The following ASB12 variants were observed in gnomAD, a reference collection of about 807,000 sequenced individuals.
ASB12 encodes ankyrin repeat and SOCS box containing 12.
In ASB12, 17 loss-of-function variants were observed where a neutral mutation model predicts 13.7. The observed-to-expected ratio is 1.24, with a 90% CI of 0.85 to 1.86. The LOEUF is 1.86. Among genes scored for constraint, ASB12 ranks in the 40% most tolerant of loss-of-function variants. The pLI, the probability that ASB12 is intolerant of heterozygous loss-of-function variation, is 0.00. For missense variants in ASB12, 329 were observed against 250.5 expected (o/e 1.31, Z -2.11); for synonymous variants, 107 against 99.8 (o/e 1.07, Z -0.43).
chrX:64,224,950 T>A lies in ASB12; in HGVS notation c.701A>T (p.Asn234Ile). 3 of 1,211,498 alleles carry A rather than the reference T, an allele frequency of 2.5e-6. No individual in the cohort carries two copies. The South Asian group carries it at 5.3e-5, about 21-fold the overall frequency. ...RTLLEICLHHNCEPEYIQLLI... is the reference protein window; with the variant it reads ...RTLLEICLHHICEPEYIQLLI... ...CAGCTGGATATACTCTGGCTCACAA[T>A]TATGATGGAGGCAGATTTCAAGGAG... Residue 234 changes from asparagine (N) to isoleucine (I), a missense_variant, in exon 2 of 3, where the codon AAT becomes ATT. Physicochemically the swap from Asn to Ile is moderately radical, Grantham distance 149. Transcript: ENST00000362002.
intron 1 of ASB12, among the ~76,000 whole-genome samples, chrX:64,228,507 G>A (rs1438335034): frequency 1.8e-5 from 2 of 111,601 alleles, no homozygotes; most frequent in Non-Finnish European, 3.8e-5. Context: ...ATCTCTCTGT[G>A]CCCATTTCTT....
chrX:64,228,704 A>G (rs999065696), intron 1 of ASB12, among the ~76,000 whole-genome samples: 1 of 111,544 alleles, frequency 9.0e-6, no homozygotes, highest in South Asian at 3.8e-4. Flanking sequence ...ATGTTCTAGA[A>G]CCTCAGAGCT....
At chrX:64,226,837 T>C (rs926785446) in intron 1 of ASB12, 9 of 528,690 alleles carry the variant, frequency 1.7e-5, no homozygotes, top group Non-Finnish European at 2.1e-5. Flanking sequence ...CAGGACCTCA[T>C]ATCTTCTTTT....
chrX:64,229,388 C>T (rs544268720), intron 1 of ASB12, among the ~76,000 whole-genome samples: 2 of 111,937 alleles, frequency 1.8e-5, no homozygotes, highest in South Asian at 3.8e-4. Flanking sequence ...ATCGTGCCTC[C>T]ATTAGATAAG....
In ASB12 at chrX:64,228,837, A is replaced by G. The variant is rs188238209; in HGVS notation, c.-25+1626T>C. On this transcript the variant is annotated intron_variant, in intron 1 of 2. Transcript: ENST00000362002. ...GTTGTTATTGTTAGTTGTCTCATTAACAAGAACTCAGAACACACTTATAAT... is the reference window on the plus strand; with the variant it reads ...GTTGTTATTGTTAGTTGTCTCATTAGCAAGAACTCAGAACACACTTATAAT... Among the ~76,000 whole-genome samples the G allele has an allele frequency of 1.2e-4, 13 of 111,962 alleles. No individual in the cohort carries two copies. The East Asian group carries it at 2.5e-3, about 22-fold the overall frequency.
In ASB12 at chrX:64,225,606, G is replaced by A; in HGVS notation, c.45C>T (p.Ile15=). Residue 15 remains isoleucine (I), a synonymous_variant, in exon 2 of 3, where the codon ATC becomes ATT. Transcript: ENST00000362002. ...LQLAKMNLMD[I]TKIFSLLQPD... ...GCTGCAGGAGGGAGAAGATCTTGGT[G>A]ATGTCCATGAGGTTCATCTTGGCTA... 8.3e-7 allele frequency: 1 copy of A among 1,200,723 alleles called. No homozygotes were observed. The highest frequency in any genetic ancestry group is 1.1e-6 in the Non-Finnish European group (1 of 889,083).
intron 1 of ASB12, chrX:64,226,664 C>A: frequency 8.3e-6 from 6 of 724,947 alleles, no homozygotes; most frequent in Non-Finnish European, 9.8e-6. Context: ...CCTCACCCTA[C>A]AAAACCACTC....
At chrX:64,227,282 C>T (rs750308979) in intron 1 of ASB12, among the ~76,000 whole-genome samples, 1 of 111,613 alleles carries the variant, frequency 9.0e-6, no homozygotes. Context: ...CTCTAGCTAT[C>T]TTTCTCTTCG....
intron 1 of ASB12, 131 bp from the exon 2 acceptor site, chrX:64,225,805 T>C (rs1930939489): frequency 2.4e-6 from 2 of 817,567 alleles, no homozygotes; most frequent in African/African-American, 4.2e-5. Context: ...TCACTCCCAA[T>C]CCCACTGTCT....
At chrX:64,229,936 C>T (rs140886394) in intron 1 of ASB12, among the ~76,000 whole-genome samples, 1 of 111,411 alleles carries the variant, frequency 9.0e-6, no homozygotes, top group Non-Finnish European at 1.9e-5. Context: ...TTTCTGGACC[C>T]CTTGAATTCT....
intron 2 of ASB12, 90 bp from the exon 3 acceptor site, chrX:64,224,558 C>T: frequency 2.0e-6 from 2 of 988,977 alleles, no homozygotes; most frequent in Non-Finnish European, 2.8e-6. Context: ...GCTACTACAG[C>T]CCTAATGCTC....
intron 1 of ASB12, among the ~76,000 whole-genome samples, chrX:64,229,004 C>G (rs1270744982): frequency 9.0e-6 from 1 of 110,958 alleles, no homozygotes; most frequent in East Asian, 2.8e-4. Context: ...GAAATAGAAT[C>G]CAGGTTTCTC....
At chrX:64,230,115 C>G (rs1226271683) in intron 1 of ASB12, among the ~76,000 whole-genome samples, 1 of 110,995 alleles carries the variant, frequency 9.0e-6, no homozygotes, top group Non-Finnish European at 1.9e-5. Context: ...TAAACCCACT[C>G]TAAGGCACCC....
intron 1 of ASB12, chrX:64,226,824 TCTCAGGAC>T: frequency 9.8e-6 from 6 of 609,627 alleles, no homozygotes; most frequent in Non-Finnish European, 1.2e-5. Flanking sequence ...GCAGCTGAGG[TCTCAGGAC>T]CTCATATCTT....
At chrX:64,228,038 T>G (rs1190041209) in intron 1 of ASB12, among the ~76,000 whole-genome samples, 1 of 112,491 alleles carries the variant, frequency 8.9e-6, no homozygotes, top group East Asian at 2.8e-4. Flanking sequence ...TTCTCCACAT[T>G]GTTGCTAAAG....
rs1226582164 is a variant in ASB12 at position 64,225,308 on chromosome X, T to G, written c.343A>C (p.Ser115Arg). The G allele has an allele frequency of 3.3e-6, 4 of 1,208,028 alleles. No individual in the cohort carries two copies. The highest frequency in any genetic ancestry group is 3.5e-5 in the African/African-American group (2 of 56,991). The change falls in exon 2 of 3, where the codon AGT (serine) becomes CGT (arginine). Residue 115 changes from serine (S) to arginine (R), a missense_variant. By Grantham distance (110) the Ser-to-Arg change is moderately radical (BLOSUM62 -1). Coordinates refer to ENST00000362002, the MANE Select transcript of ASB12 (RefSeq NM_130388.4). Reference sequence around the variant, plus strand: ...CGTACACAGTCCAGATGGCCATGACTGACAGCAGTGAAAAGTGGCGTCTGT... The same window carrying G: ...CGTACACAGTCCAGATGGCCATGACGGACAGCAGTGAAAAGTGGCGTCTGT... ...KAQTPLFTAV[S>R]HGHLDCVRVL...
rs1440719016 is a variant in ASB12 at position 64,224,378 on chromosome X, T to C, written c.914A>G (p.Asp305Gly). ...GTAGCTAATCAACATGGGAGGAATA[T>C]CCAGCTGGTTGATGGCTTGTGGCTG... ...AGQPQAINQL[D>G]IPPMLISYLK... Residue 305 changes from aspartate to glycine, a missense_variant, in exon 3 of 3, where the codon GAT becomes GGT. Asp to Gly is a moderately conservative substitution (Grantham distance 94). Transcript: ENST00000362002. 8.3e-7 allele frequency: 1 copy of C among 1,208,226 alleles called. No individual in the cohort carries two copies. The highest frequency in any genetic ancestry group is 1.1e-6 in the Non-Finnish European group (1 of 894,156).
intron 1 of ASB12, among the ~76,000 whole-genome samples, chrX:64,227,280 A>G (rs187808727): frequency 4.0e-4 from 45 of 111,508 alleles, no homozygotes; most frequent in African/African-American, 1.4e-3. Flanking sequence ...CACTCTAGCT[A>G]TCTTTCTCTT....
In ASB12 at chrX:64,224,856, T is replaced by G. The variant is rs1449450868; in HGVS notation, c.795A>C (p.Lys265Asn). ...LSLDLTSQDD[K>N]GIALLLQARA... The stretch of plus-strand genomic sequence containing the variant: ...GGGCCTGTAGCAGCAATGCAATGCC[T>G]TTATCATCTTGTGAGGTCAGGTCAA... The change falls in exon 2 of 3, where the codon AAA (lysine) becomes AAC (asparagine). Residue 265 changes from lysine (K) to asparagine (N), a missense_variant. Lys to Asn is a moderately conservative substitution (Grantham distance 94). Transcript: ENST00000362002. 1.7e-6 allele frequency: 2 copies of G among 1,191,957 alleles called. No individual in the cohort carries two copies. Among genetic ancestry groups the G allele is most frequent in the Non-Finnish European group, 2.3e-6 (2 of 884,785 alleles).
Sources: allele counts gnomAD v4.1 joint callset (sites outside exome capture counted in the v4.1 genomes callset), GRCh38; gene constraint gnomAD v4.1.1; transcripts MANE v1.5; gene names NCBI Gene and HGNC (gene_info 2026-07-23, HGNC 2026-07-21).